The following APBA2 variants were observed in gnomAD, a reference collection of about 807,000 sequenced individuals.
The protein encoded by APBA2 is amyloid-beta A4 precursor protein-binding family A member 2.
In APBA2, 30 loss-of-function variants were observed where a neutral mutation model predicts 75.0. The observed-to-expected ratio is 0.40, with a 90% CI of 0.30 to 0.54. APBA2 has a LOEUF of 0.54. Ranked by LOEUF, APBA2 falls within the 20% of genes least tolerant of loss-of-function variation. APBA2 has a pLI of 0.49. For missense variants in APBA2, 801 were observed against 1,016.1 expected, an observed-to-expected ratio of 0.79 and a Z score of 2.88; for synonymous variants, 444 against 409.6, an observed-to-expected ratio of 1.08 and a Z score of -1.01.
intron 2 of APBA2, among the ~76,000 whole-genome samples, chr15:28,957,322 G>A (rs917918052): frequency 9.2e-5 from 14 of 152,048 alleles, no homozygotes; most frequent in African/African-American, 3.1e-4. Flanking sequence ...TGATCCGCCC[G>A]CCTCGGCCTC....
intron 14 of APBA2, among the ~76,000 whole-genome samples, chr15:29,114,913 TCAAG>T (rs1397855469): frequency 1.9e-4 from 26 of 137,050 alleles, no homozygotes; most frequent in Non-Finnish European, 3.4e-4. Context: ...GCATGGGGTG[TCAAG>T]CATGAGTGTG....
chr15:29,088,213 CCTT>C (rs1389161964), intron 6 of APBA2, among the ~76,000 whole-genome samples: 3 of 151,600 alleles, frequency 2.0e-5, no homozygotes, highest in South Asian at 4.2e-4. Context: ...TTTCTAAGCC[CCTT>C]CTTTTCTTGG....
At chr15:29,019,608 C>T (rs530213686) in intron 3 of APBA2, among the ~76,000 whole-genome samples, 3 of 152,266 alleles carry the variant, frequency 2.0e-5, no homozygotes, top group East Asian at 3.9e-4. Context: ...GTTCTGCTGC[C>T]GGAGTTGTTC....
At chr15:28,928,811 G>C (rs2034413630) in intron 2 of APBA2, among the ~76,000 whole-genome samples, 1 of 152,144 alleles carries the variant, frequency 6.6e-6, no homozygotes, top group Non-Finnish European at 1.5e-5. Flanking sequence ...TGGAGGAAAA[G>C]CCCATGAAAG....
Position 28,890,335 on chromosome 15 carries a change from C to A in APBA2, c.-205+4057C>A, listed in dbSNP as rs572663486. On this transcript the variant is annotated intron_variant, in intron 1 of 14. Transcript: ENST00000683413. ...TTTTCAGTTGTTTGGGTTCTCTGCACCCAGGCGGTCCCTGCTGCCAAAGTC... is the reference window on the plus strand; with the variant it reads ...TTTTCAGTTGTTTGGGTTCTCTGCAACCAGGCGGTCCCTGCTGCCAAAGTC... 1.9e-3 allele frequency among the ~76,000 whole-genome samples: 288 copies of A among 152,314 alleles called. 1 individual carries two copies. The highest frequency in any genetic ancestry group is 6.7e-3 in the African/African-American group (279 of 41,576).
At chr15:28,950,505 T>C (rs1406695198) in intron 2 of APBA2, among the ~76,000 whole-genome samples, 1 of 151,940 alleles carries the variant, frequency 6.6e-6, no homozygotes, top group African/African-American at 2.4e-5. Flanking sequence ...TGGGCACCTG[T>C]AGTCCCAGCT....
intron 2 of APBA2, among the ~76,000 whole-genome samples, chr15:28,927,819 C>A (rs1485924600): frequency 6.6e-6 from 1 of 151,908 alleles, no homozygotes; most frequent in Non-Finnish European, 1.5e-5. Flanking sequence ...TGTTGATGAG[C>A]CCGTCAAAGG....
At chr15:28,978,623 A>G (rs148699985) in intron 2 of APBA2, among the ~76,000 whole-genome samples, 2 of 152,288 alleles carry the variant, frequency 1.3e-5, no homozygotes, top group East Asian at 3.9e-4. Context: ...TCATAGAGCT[A>G]TTGTGATGGC....
chr15:28,904,854 A>G (rs2033059879), intron 1 of APBA2, among the ~76,000 whole-genome samples: 1 of 152,122 alleles, frequency 6.6e-6, no homozygotes, highest in Admixed American at 6.5e-5. Context: ...ATGACACACG[A>G]GGCAGTGGGA....
At chr15:28,944,538 A>G (rs149551878) in intron 2 of APBA2, among the ~76,000 whole-genome samples, 3 of 152,318 alleles carry the variant, frequency 2.0e-5, no homozygotes, top group East Asian at 3.9e-4. Context: ...TACTGGCCAC[A>G]TGCCCTCAAG....
At chr15:29,026,933 A>C (rs188112245) in intron 3 of APBA2, among the ~76,000 whole-genome samples, 36 of 152,288 alleles carry the variant, frequency 2.4e-4, no homozygotes, top group African/African-American at 7.9e-4. Context: ...AAAAACAAGA[A>C]CAAAAAAAAC....
intron 2 of APBA2, among the ~76,000 whole-genome samples, chr15:28,948,890 TG>T (rs1422654060): frequency 2.1e-5 from 2 of 94,558 alleles, no homozygotes; most frequent in Admixed American, 1.2e-4. Context: ...AGTGAGAGGC[TG>T]GGGGGTTGGT....
At chr15:29,035,517 G>A (rs1288157647) in intron 3 of APBA2, among the ~76,000 whole-genome samples, 1 of 152,136 alleles carries the variant, frequency 6.6e-6, no homozygotes. Context: ...AGGGGTGTGT[G>A]TGGGGACCTT....
At chr15:28,958,967 T>C (rs886545866) in intron 2 of APBA2, among the ~76,000 whole-genome samples, 8 of 152,310 alleles carry the variant, frequency 5.3e-5, no homozygotes, top group East Asian at 3.9e-4. Context: ...ATTTCTTCTA[T>C]AGGGCTCTTC....
chr15:28,951,458 C>A (rs66481735), intron 2 of APBA2, among the ~76,000 whole-genome samples: 24,401 of 152,198 alleles, frequency 0.16, 3,368 homozygotes, highest in African/African-American at 0.38. Context: ...TATCTAGAAA[C>A]CAAGGTCTGG....
chr15:28,890,423 G>T (rs532038430), intron 1 of APBA2, among the ~76,000 whole-genome samples: 1 of 152,296 alleles, frequency 6.6e-6, no homozygotes, highest in East Asian at 1.9e-4. Flanking sequence ...GCACCCCCAC[G>T]CCCAGATTCC....
chr15:28,980,206 A>T (rs1334488010), intron 2 of APBA2, among the ~76,000 whole-genome samples: 1 of 152,202 alleles, frequency 6.6e-6, no homozygotes, highest in Admixed American at 6.5e-5. Flanking sequence ...TGGTCATGTA[A>T]GATTTGAAAA....
intron 2 of APBA2, among the ~76,000 whole-genome samples, chr15:28,947,959 C>T (rs765082257): frequency 1.3e-5 from 2 of 152,218 alleles, no homozygotes; most frequent in East Asian, 1.9e-4. Flanking sequence ...AACAATCCCT[C>T]GTGTTAGGAG....
chr15:29,033,818 A>C lies in APBA2; in HGVS notation c.-40-20027A>C, dbSNP rs530629747. Reference sequence around the variant, plus strand: ...CTACTAAAAATATTTTTAAAAAATTAGCCGAGCGTGGTGGCGGGCGCCTGT... The same window carrying C: ...CTACTAAAAATATTTTTAAAAAATTCGCCGAGCGTGGTGGCGGGCGCCTGT... On this transcript the variant is annotated intron_variant, in intron 3 of 14. Coordinates refer to ENST00000683413, the MANE Select transcript of APBA2 (RefSeq NM_001353788.2). Among the ~76,000 whole-genome samples the C allele has an allele frequency of 1.3e-3, 195 of 152,106 alleles. 1 individual carries two copies. The highest frequency in any genetic ancestry group is 9.8e-3 in the South Asian group (47 of 4,800).
Sources: gnomAD v4.1 joint callset for allele counts (sites outside exome capture counted in the v4.1 genomes callset) on GRCh38, gnomAD v4.1.1 for gene constraint, MANE v1.5 for transcripts, NCBI Gene and HGNC (gene_info 2026-07-23, HGNC 2026-07-21) for gene names.